Variants in EFHC1 observed in about 807,000 individuals in gnomAD.
The protein encoded by EFHC1 is EF-hand domain containing 1.
Under a neutral mutation model 69.9 loss-of-function variants are expected in EFHC1, and 53 were observed. The observed-to-expected ratio is 0.76, with a 90% confidence interval of 0.61 to 0.95. The LOEUF (loss-of-function observed/expected upper bound fraction) is 0.95. Ranked by LOEUF, EFHC1 falls within the 40% of genes least tolerant of loss-of-function variation. EFHC1 has a pLI of 0.00. For synonymous variants in EFHC1, 256 were observed against 278.4 expected (o/e 0.92, Z 0.80); for missense variants, 739 against 798.7 (o/e 0.93, Z 0.90).
chr6:52,442,740 G>A (rs1581821976), intron 3 of EFHC1, among the ~76,000 whole-genome samples: 1 of 152,280 alleles, frequency 6.6e-6, no homozygotes, highest in Middle Eastern at 3.4e-3. Context: ...ATTGTGAATA[G>A]TGCCGCAATA....
rs1007532617 is a variant in EFHC1, at chr6:52,490,437, A to G, written c.1851+87A>G. The stretch of plus-strand genomic sequence containing the variant: ...AAGGCAATTGTGTGTGTATTTCACT[A>G]CAACTGGGCCAGATTTAGGATGTTC... On this transcript the variant is annotated intron_variant, in intron 10 of 10. Coordinates refer to ENST00000371068, the MANE Select transcript of EFHC1 (RefSeq NM_018100.4). 4.3e-6 allele frequency: 5 copies of G among 1,151,086 alleles called. No individual in the cohort carries two copies. In the Admixed American group the frequency reaches 8.7e-5, roughly 20 times the overall value. The allele number at this position is 1,151,086 out of a possible 1,614,324, so 71.3% of individuals were successfully genotyped here.
In EFHC1 at chr6:52,439,134, T is replaced by G. The variant is rs528940163; in HGVS notation, c.573+543T>G. On this transcript the variant is annotated intron_variant, in intron 3 of 10. Transcript: ENST00000371068. ...TGTAAAAAGTCCTCTATTTCGTAAG[T>G]TTGGATTTTTTAATACAAAGGAAAC... Among the ~76,000 whole-genome samples, 14 of 152,288 alleles carry G rather than the reference T, an allele frequency of 9.2e-5. No homozygotes were observed. In the East Asian group the frequency reaches 2.7e-3, roughly 29 times the overall value.
At chr6:52,477,043 A>G (rs1219056829) in intron 7 of EFHC1, among the ~76,000 whole-genome samples, 2 of 152,256 alleles carry the variant, frequency 1.3e-5, no homozygotes, top group South Asian at 2.1e-4. Flanking sequence ...TTCCCAATAA[A>G]GACAATAATT....
At chr6:52,487,682 A>G (rs1765814817) in intron 9 of EFHC1, 8 of 152,234 alleles carry the variant, frequency 5.3e-5, no homozygotes, top group Admixed American at 5.2e-4. Flanking sequence ...AGCACACAGA[A>G]AACTGTGACA....
chr6:52,424,220 G>T, intron 2 of EFHC1, 53 bp downstream of exon 2: 1 of 1,547,650 alleles, frequency 6.5e-7, no homozygotes, highest in Non-Finnish European at 8.8e-7. Context: ...AGAGCCAACT[G>T]CTTGCAAAAA....
Position 52,492,533 on chromosome 6 carries a change from A to C in EFHC1, c.*192A>C, listed in dbSNP as rs1451221225. 1.4e-6 allele frequency: 1 copy of C among 696,770 alleles called. No individual in the cohort carries two copies. The highest frequency in any genetic ancestry group is 2.6e-6 in the Non-Finnish European group (1 of 385,296). 43.2% of individuals were successfully genotyped at this position (696,770 alleles called of 1,614,324 possible). A position where few individuals can be genotyped will look rare whatever the true frequency, so the allele number is the denominator to read the frequency against. ...TAAGATTGGTGCCTTATTTAGGGTG[A>C]TAGGGGTATAGCAATGTCTAATTTT... On this transcript the variant is annotated 3_prime_UTR_variant, in exon 11 of 11. Transcript: ENST00000371068.
intron 3 of EFHC1, among the ~76,000 whole-genome samples, chr6:52,448,696 C>T (rs934496122): frequency 1.3e-5 from 2 of 152,172 alleles, no homozygotes; most frequent in African/African-American, 4.8e-5. Flanking sequence ...ACCTCTCCTA[C>T]CTAGTTTATT....
At chr6:52,432,493 G>T (rs749458802) in intron 2 of EFHC1, among the ~76,000 whole-genome samples, 1 of 152,028 alleles carries the variant, frequency 6.6e-6, no homozygotes, top group Admixed American at 6.5e-5. Context: ...AAAATTCTTG[G>T]CTGATAATTC....
chr6:52,424,096 T>G lies in EFHC1; in HGVS notation c.214T>G (p.Leu72Val). ...LDELASKAPV[L>V]TYGQPKQAPP... ...TGAGTTGGCCAGTAAGGCACCAGTC[T>G]TAACTTATGGCCAACCTAAACAAGC... Residue 72 changes from leucine to valine, a missense_variant, in exon 2 of 11, where the codon TTA becomes GTA. Transcript: ENST00000371068. 1 of 1,614,170 alleles carries G rather than the reference T, an allele frequency of 6.2e-7. No individual in the cohort carries two copies. Among genetic ancestry groups the G allele is most frequent in the Non-Finnish European group, 8.5e-7 (1 of 1,180,034 alleles).
At position 52,490,370 on chromosome 6, in the gene EFHC1, C is replaced by T; in HGVS notation, c.1851+20C>T. The T allele has an allele frequency of 6.2e-7, 1 of 1,603,040 alleles. No homozygotes were observed. Among genetic ancestry groups the T allele is most frequent in the Non-Finnish European group, 8.5e-7 (1 of 1,170,018 alleles). On this transcript the variant is annotated intron_variant, in intron 10 of 10. Transcript: ENST00000371068. ...AAGGAGGTCAGTATGAATTACTCTTCTGAGTTCATTGCAGAGGCTAGGCAC... is the reference window on the plus strand; with the variant it reads ...AAGGAGGTCAGTATGAATTACTCTTTTGAGTTCATTGCAGAGGCTAGGCAC...
At chr6:52,444,299 G>T (rs1444770239) in intron 3 of EFHC1, among the ~76,000 whole-genome samples, 1 of 152,118 alleles carries the variant, frequency 6.6e-6, no homozygotes, top group African/African-American at 2.4e-5. Context: ...TTGCCTGATT[G>T]CCCTGGCCAG....
chr6:52,457,136 G>A (rs894187622), intron 5 of EFHC1, among the ~76,000 whole-genome samples: 5 of 152,206 alleles, frequency 3.3e-5, no homozygotes, highest in African/African-American at 1.2e-4. Flanking sequence ...AGGACAAAAT[G>A]TAACTCCCAT....
chr6:52,491,768 C>G (rs775788019), intron 10 of EFHC1, among the ~76,000 whole-genome samples: 44 of 152,146 alleles, frequency 2.9e-4, no homozygotes, highest in African/African-American at 1.1e-3. Flanking sequence ...GGCAACCGCC[C>G]GAGCTGCTAC....
intron 6 of EFHC1, chr6:52,468,443 GTA>G (rs1354324404): frequency 3.3e-5 from 5 of 152,232 alleles, no homozygotes; most frequent in African/African-American, 1.2e-4. Context: ...GGGGAAGTGA[GTA>G]TATTCAGGAA....
rs1163603161 is a variant in EFHC1 at position 52,465,025 on chromosome 6, A to G, written c.1047A>G (p.Pro349=). Residue 349 remains proline (P), a synonymous_variant, in exon 6 of 11, where the codon CCA becomes CCG. Coordinates refer to ENST00000371068, the MANE Select transcript of EFHC1 (RefSeq NM_018100.4). ...GRTFFIYDCD[P]FTRRYYKEKF... is the part of the protein sequence containing the mutation. Reference sequence around the variant, plus strand: ...CTTTCTTCATTTATGATTGTGATCCATTTACTCGACGGTATTACAAAGAGA... The same window carrying G: ...CTTTCTTCATTTATGATTGTGATCCGTTTACTCGACGGTATTACAAAGAGA... The G allele has an allele frequency of 4.3e-6, 7 of 1,614,182 alleles. No individual in the cohort carries two copies. The highest frequency in any genetic ancestry group is 1.7e-5 in the Admixed American group (1 of 60,028).
In EFHC1 at chr6:52,452,771, T is replaced by C. The variant is rs1166540309; in HGVS notation, c.657T>C (p.Pro219=). ...CTTACACTGAACTCCGAAAACAGCCTCTTCGTAAGTATGTCACCCCATCAG... is the reference window on the plus strand; with the variant it reads ...CTTACACTGAACTCCGAAAACAGCCCCTTCGTAAGTATGTCACCCCATCAG... ...LDPYTELRKQ[P]LRKYVTPSDF... Residue 219 remains proline (P), a synonymous_variant, in exon 4 of 11, where the codon CCT becomes CCC. Transcript: ENST00000371068. 6.2e-7 allele frequency: 1 copy of C among 1,614,194 alleles called. No individual in the cohort carries two copies. Among genetic ancestry groups the C allele is most frequent in the Middle Eastern group, 1.6e-4 (1 of 6,062 alleles).
chr6:52,478,276 G>A, intron 7 of EFHC1, among the ~76,000 whole-genome samples: 1 of 152,004 alleles, frequency 6.6e-6, no homozygotes, highest in Admixed American at 6.5e-5. Context: ...GGACTGTGGT[G>A]GGGTGGGAGG....
chr6:52,443,351 A>G (rs916074089), intron 3 of EFHC1, among the ~76,000 whole-genome samples: 5 of 152,158 alleles, frequency 3.3e-5, no homozygotes, highest in African/African-American at 1.2e-4. Flanking sequence ...TTTAGTCATG[A>G]AGTCCTTGCC....
chr6:52,486,153 T>G lies in EFHC1; in HGVS notation c.1641-3987T>G, dbSNP rs1765782083. 2 of 152,242 alleles carry G rather than the reference T, an allele frequency of 1.3e-5. 1 individual carries two copies. The allele number at this position is 152,242 out of a possible 1,614,324, so 9.4% of individuals were successfully genotyped here. ...CAGAGTCATGAAAGGGGATCATGAG[T>G]ACTTGTCAGACCAGTACTTTTTATG... is the stretch of plus-strand genomic sequence containing the variant. On this transcript the variant is annotated intron_variant, in intron 9 of 10. Coordinates refer to ENST00000371068, the MANE Select transcript of EFHC1 (RefSeq NM_018100.4).
Sources: gnomAD v4.1 joint callset for allele counts (sites outside exome capture counted in the v4.1 genomes callset) on GRCh38, gnomAD v4.1.1 for gene constraint, MANE v1.5 for transcripts, NCBI Gene and HGNC (gene_info 2026-07-23, HGNC 2026-07-21) for gene names.